The following SLC18A1 variants were observed in gnomAD, a reference collection of about 807,000 sequenced individuals.
SLC18A1 encodes the protein chromaffin granule amine transporter.
Under a neutral mutation model 53.7 loss-of-function variants are expected in SLC18A1, and 69 were observed. That is an observed-to-expected ratio of 1.28 (90% CI 1.06 to 1.57). The LOEUF is 1.57. Ranked by LOEUF, SLC18A1 falls within the 40% of genes most tolerant of loss-of-function variation. SLC18A1 has a pLI of 0.00. For synonymous variants in SLC18A1, 320 were observed against 248.1 expected (o/e 1.29, Z -2.72); for missense variants, 932 against 668.1 (o/e 1.40, Z -4.35).
At chr8:20,150,538 G>T in intron 11 of SLC18A1, 128 bp downstream of exon 11, 2 of 824,234 alleles carry the variant, frequency 2.4e-6, no homozygotes, top group South Asian at 2.9e-5. Flanking sequence ...CCAGTGGGAA[G>T]TTTTTATCGG....
chr8:20,150,939 C>T, intron 10 of SLC18A1, 195 bp from the exon 11 acceptor site: 1 of 587,918 alleles, frequency 1.7e-6, no homozygotes, highest in East Asian at 2.8e-5. Flanking sequence ...TCTTCAGGAG[C>T]AAGGCTTTGT....
At chr8:20,158,183 G>A (rs2071728655) in intron 10 of SLC18A1, among the ~76,000 whole-genome samples, 1 of 152,136 alleles carries the variant, frequency 6.6e-6, no homozygotes, top group Non-Finnish European at 1.5e-5. Flanking sequence ...CTAGACACTG[G>A]TGCAGCCTTC....
At chr8:20,177,024 TC>T (rs1317789167) in intron 4 of SLC18A1, among the ~76,000 whole-genome samples, 4 of 152,216 alleles carry the variant, frequency 2.6e-5, no homozygotes, top group Non-Finnish European at 5.9e-5. Context: ...ACTATGGCCA[TC>T]TGGGCATTAT....
chr8:20,150,831 C>A, intron 10 of SLC18A1, 87 bp from the exon 11 acceptor site: 2 of 1,193,806 alleles, frequency 1.7e-6, no homozygotes, highest in Non-Finnish European at 1.2e-6. Context: ...AAGTCCACCC[C>A]TGTAACCTTC....
In SLC18A1 at chr8:20,165,079, A is replaced by C; in HGVS notation, c.887T>G (p.Leu296Arg). The C allele has an allele frequency of 6.2e-7, 1 of 1,614,224 alleles. No homozygotes were observed. The highest frequency in any genetic ancestry group is 8.5e-7 in the Non-Finnish European group (1 of 1,180,036). Residue 296 changes from leucine to arginine, a missense_variant, in exon 9 of 16, where the codon CTT becomes CGT. Transcript: ENST00000276373. ...ESAKGTPLFM[L>R]LKDPYILVAA... ...CACCAGGATGTAAGGGTCTTTGAGA[A>C]GCATAAAGAGGGGAGTCCCCTTGGC... is the stretch of plus-strand genomic sequence containing the variant.
rs923706096 is a variant in SLC18A1 at position 20,181,071 on chromosome 8, C to T, written c.-107G>A. The T allele has an allele frequency of 3.6e-6, 5 of 1,378,624 alleles. No individual in the cohort carries two copies. The highest frequency in any genetic ancestry group is 5.4e-5 in the Admixed American group (2 of 36,816). 85.4% of individuals were successfully genotyped at this position (1,378,624 alleles called of 1,614,324 possible). On this transcript the variant is annotated 5_prime_UTR_variant, in exon 2 of 16. Coordinates refer to ENST00000276373, the MANE Select transcript of SLC18A1 (RefSeq NM_003053.4). ...TATGGAAGAGGGGAGGGAGTCTGCCCAGACGAAGGAAACTCACTATTAAAA... is the reference window on the plus strand; with the variant it reads ...TATGGAAGAGGGGAGGGAGTCTGCCTAGACGAAGGAAACTCACTATTAAAA...
At chr8:20,171,705 C>T (rs2132700) in intron 6 of SLC18A1, among the ~76,000 whole-genome samples, 94,257 of 141,866 alleles carry the variant, frequency 0.66, 30,201 homozygotes, top group Middle Eastern at 0.74. Flanking sequence ...TGTGTGTGTG[C>T]GCGCGCGTGT....
chr8:20,159,913 C>T (rs1001736958), intron 10 of SLC18A1, among the ~76,000 whole-genome samples: 101 of 152,110 alleles, frequency 6.6e-4, no homozygotes, highest in African/African-American at 2.3e-3. Flanking sequence ...ACACCCCCAG[C>T]GTGGTAGCAC....
chr8:20,149,589 CCTCTCTCTCTCTCT>C, intron 12 of SLC18A1, 73 bp downstream of exon 12: 4 of 790,164 alleles, frequency 5.1e-6, no homozygotes, highest in South Asian at 1.7e-5. Flanking sequence ...TCTCTCTCTC[CCTCTCTCTCTCTCT>C]CTCTCTCTCT....
Position 20,170,351 on chromosome 8 carries a change from T to C in SLC18A1, c.858+752A>G, listed in dbSNP as rs573115770. ...TACTTATTTCATGGAATGTGTAAGA[T>C]GCAGCATAGATGGCGCACTAAGCTG... On this transcript the variant is annotated intron_variant, in intron 8 of 15. Coordinates refer to ENST00000276373, the MANE Select transcript of SLC18A1 (RefSeq NM_003053.4). Among the ~76,000 whole-genome samples the C allele has an allele frequency of 4.6e-4, 70 of 152,350 alleles. 1 individual carries two copies. The highest frequency in any genetic ancestry group is 1.7e-3 in the African/African-American group (69 of 41,572).
At chr8:20,172,781 G>A (rs949232221) in intron 6 of SLC18A1, among the ~76,000 whole-genome samples, 22 of 152,204 alleles carry the variant, frequency 1.4e-4, no homozygotes, top group Non-Finnish European at 2.5e-4. Context: ...GAACCGAGGC[G>A]AAGCAGTGGC....
chr8:20,146,898 A>G (rs890880933), intron 15 of SLC18A1, among the ~76,000 whole-genome samples: 4 of 151,952 alleles, frequency 2.6e-5, no homozygotes, highest in African/African-American at 4.8e-5. Flanking sequence ...GGATGTGCCA[A>G]TGGAATTCTG....
chr8:20,181,093 A>T lies in SLC18A1; in HGVS notation c.-123-6T>A, dbSNP rs1431250971. 1.7e-6 allele frequency: 2 copies of T among 1,148,220 alleles called. No individual in the cohort carries two copies. The highest frequency in any genetic ancestry group is 2.4e-6 in the Non-Finnish European group (2 of 838,254). The allele number at this position is 1,148,220 out of a possible 1,614,324, so 71.1% of individuals were successfully genotyped here. ...GCCCAGACGAAGGAAACTCACTATTAAAACGAAAAGTGCAAAGGGTTGCAA... is the reference window on the plus strand; with the variant it reads ...GCCCAGACGAAGGAAACTCACTATTTAAACGAAAAGTGCAAAGGGTTGCAA... On this transcript the variant is annotated splice_region_variant and splice_polypyrimidine_tract_variant and intron_variant, in intron 1 of 15. Coordinates refer to ENST00000276373, the MANE Select transcript of SLC18A1 (RefSeq NM_003053.4).
At chr8:20,182,925 A>T (rs2128881957) in intron 1 of SLC18A1, 138 bp downstream of exon 1, 1 of 152,364 alleles carries the variant, frequency 6.6e-6, no homozygotes, top group Non-Finnish European at 1.5e-5. Flanking sequence ...CACACACCCA[A>T]ATCCCAAAAC....
At chr8:20,182,380 T>C (rs2072451297) in intron 1 of SLC18A1, among the ~76,000 whole-genome samples, 2 of 152,220 alleles carry the variant, frequency 1.3e-5, no homozygotes, top group Admixed American at 6.5e-5. Flanking sequence ...CAGAAAATAC[T>C]ATTACTATAA....
chr8:20,155,529 G>T (rs1036339542), intron 10 of SLC18A1, among the ~76,000 whole-genome samples: 1 of 152,130 alleles, frequency 6.6e-6, no homozygotes, highest in African/African-American at 2.4e-5. Flanking sequence ...CAAACTCCGG[G>T]CATTGATCAG....
chr8:20,150,825 C>G, intron 10 of SLC18A1, 81 bp from the exon 11 acceptor site: 5 of 1,266,632 alleles, frequency 3.9e-6, no homozygotes, highest in Non-Finnish European at 3.5e-6. Flanking sequence ...ACACTGAAGT[C>G]CACCCCTGTA....
intron 8 of SLC18A1, among the ~76,000 whole-genome samples, chr8:20,165,717 C>G (rs67152669): frequency 0.27 from 41,505 of 152,034 alleles, 6,853 homozygotes; most frequent in Non-Finnish European, 0.37. Flanking sequence ...CCCAGCAGTG[C>G]CTCAGCCATC....
chr8:20,161,792 C>T (rs2071836407), intron 10 of SLC18A1, among the ~76,000 whole-genome samples: 1 of 152,176 alleles, frequency 6.6e-6, no homozygotes. Context: ...ATCCTGGGCA[C>T]ACTGGAGTGG....
Sources: gnomAD v4.1 joint callset for allele counts (sites outside exome capture counted in the v4.1 genomes callset) on GRCh38, gnomAD v4.1.1 for gene constraint, MANE v1.5 for transcripts, NCBI Gene and HGNC (gene_info 2026-07-23, HGNC 2026-07-21) for gene names.